SMPD3: variants seen among roughly 807,000 people sequenced by gnomAD.
SMPD3 encodes the protein nSMase-2.
In SMPD3, 21 loss-of-function variants were observed where a neutral mutation model predicts 55.7. The observed-to-expected ratio is 0.38, with a 90% confidence interval of 0.27 to 0.54. The LOEUF (loss-of-function observed/expected upper bound fraction) is 0.54, where lower values mean the gene tolerates loss of function less well. Ranked by LOEUF, SMPD3 falls within the 20% of genes least tolerant of loss-of-function variation. The probability of loss-of-function intolerance (pLI) is 0.80; values close to 1 mark genes in which losing one functional copy is unlikely to be tolerated. For synonymous variants in SMPD3, 457 were observed against 404.3 expected, an observed-to-expected ratio of 1.13 and a Z score of -1.56; for missense variants, 842 against 899.6, an observed-to-expected ratio of 0.94 and a Z score of 0.82.
intron 1 of SMPD3, among the ~76,000 whole-genome samples, chr16:68,389,633 G>C (rs904896365): frequency 6.6e-6 from 1 of 152,192 alleles, no homozygotes; most frequent in Non-Finnish European, 1.5e-5. Flanking sequence ...TGAGGCTGGA[G>C]CCTAGAGGTT....
chr16:68,387,651 T>C (rs2090070880), intron 1 of SMPD3, among the ~76,000 whole-genome samples: 1 of 152,214 alleles, frequency 6.6e-6, no homozygotes, highest in Non-Finnish European at 1.5e-5. Context: ...AGCAGCCCCC[T>C]GCCCAATGCC....
intron 1 of SMPD3, among the ~76,000 whole-genome samples, chr16:68,396,064 GCC>G (rs2090154317): frequency 6.6e-6 from 1 of 152,032 alleles, no homozygotes; most frequent in African/African-American, 2.4e-5. Context: ...CCCTCCCTTA[GCC>G]CCAAGTGTCC....
At chr16:68,362,858 G>C (rs1392556885) in intron 7 of SMPD3, among the ~76,000 whole-genome samples, 2 of 152,218 alleles carry the variant, frequency 1.3e-5, no homozygotes, top group African/African-American at 4.8e-5. Flanking sequence ...TCTCAGCATA[G>C]GATGATGTTT....
chr16:68,396,235 G>A (rs528863616), intron 1 of SMPD3, among the ~76,000 whole-genome samples: 1 of 152,130 alleles, frequency 6.6e-6, no homozygotes, highest in Non-Finnish European at 1.5e-5. Flanking sequence ...ATCCCCACCA[G>A]CAGCAGCTCT....
intron 3 of SMPD3, chr16:68,368,169 G>A (rs1042910049): frequency 6.6e-6 from 1 of 152,590 alleles, no homozygotes; most frequent in Admixed American, 6.5e-5. Context: ...TGGGCACGAG[G>A]GCAGAGGAGC....
chr16:68,440,427 C>A (rs1009097300), intron 1 of SMPD3, among the ~76,000 whole-genome samples: 1 of 152,168 alleles, frequency 6.6e-6, no homozygotes, highest in African/African-American at 2.4e-5. Context: ...TCTTGAACTC[C>A]TGGACTAAAT....
chr16:68,435,880 C>A (rs1025203089), intron 1 of SMPD3, among the ~76,000 whole-genome samples: 4 of 152,190 alleles, frequency 2.6e-5, no homozygotes, highest in African/African-American at 9.7e-5. Context: ...AAGCCAGTGG[C>A]ACCTCAGGAG....
intron 1 of SMPD3, among the ~76,000 whole-genome samples, chr16:68,398,070 G>A (rs2090175273): frequency 2.0e-5 from 3 of 152,146 alleles, no homozygotes; most frequent in Admixed American, 1.3e-4. Context: ...AGTCCAAGAG[G>A]TGGGTGGGCG....
chr16:68,388,217 G>A (rs2090077962), intron 1 of SMPD3, among the ~76,000 whole-genome samples: 1 of 152,160 alleles, frequency 6.6e-6, no homozygotes, highest in Admixed American at 6.5e-5. Context: ...TGTTCATGTG[G>A]ACACCCTGGC....
In SMPD3 at chr16:68,361,058, G is replaced by T; in HGVS notation, c.*148C>A. ...GTGAGGCCCAGAGGCGCAGAGCAGC[G>T]CAGCTTCCAGGTTCCCGGGCACTGA... On this transcript the variant is annotated 3_prime_UTR_variant, in exon 9 of 9. Coordinates refer to ENST00000219334, the MANE Select transcript of SMPD3 (RefSeq NM_018667.4). The T allele has an allele frequency of 2.8e-6, 2 of 707,922 alleles. No homozygotes were observed. The highest frequency in any genetic ancestry group is 3.7e-5 in the South Asian group (2 of 53,860). 43.9% of individuals were successfully genotyped at this position (707,922 alleles called of 1,614,324 possible).
chr16:68,425,971 C>G (rs1166107762), intron 1 of SMPD3, among the ~76,000 whole-genome samples: 1 of 152,172 alleles, frequency 6.6e-6, no homozygotes, highest in Non-Finnish European at 1.5e-5. Context: ...TAAGGGAGCA[C>G]TGAGAGTGGA....
At chr16:68,446,494 C>A (rs1302210615) in intron 1 of SMPD3, among the ~76,000 whole-genome samples, 1 of 151,292 alleles carries the variant, frequency 6.6e-6, no homozygotes, top group East Asian at 1.9e-4. Context: ...TACACACACA[C>A]ACACACACAC....
chr16:68,400,508 C>T (rs1241552816), intron 1 of SMPD3, among the ~76,000 whole-genome samples: 1 of 152,196 alleles, frequency 6.6e-6, no homozygotes. Flanking sequence ...GAAGCTGGCC[C>T]ATGGGTTAGA....
rs554494121 is a variant in SMPD3 at position 68,365,845 on chromosome 16, CA to C, written c.1324-754del. 1.1e-4 allele frequency among the ~76,000 whole-genome samples: 16 copies of C among 152,262 alleles called. No homozygotes were observed. In the South Asian group the frequency reaches 2.9e-3, roughly 28 times the overall value. On this transcript the variant is annotated intron_variant, in intron 3 of 8. Coordinates refer to ENST00000219334, the MANE Select transcript of SMPD3 (RefSeq NM_018667.4). ...CAGGATCCCAAAGGCTGGCTTAATA[CA>C]AATTAGCATCTCCACTGTACCCTGC...
rs2089375158 is a variant in SMPD3 at position 68,363,430 on chromosome 16, G to T, written c.1709+66C>A. ...AGCTGAGCTCTCCCATGTGGGTCCT[G>T]CCCAGTCCCTGTCTCCACCTTAGTC... On this transcript the variant is annotated intron_variant, in intron 7 of 8. Coordinates refer to ENST00000219334, the MANE Select transcript of SMPD3 (RefSeq NM_018667.4). 18 of 1,575,154 alleles carry T rather than the reference G, an allele frequency of 1.1e-5. No homozygotes were observed. In the South Asian group the frequency reaches 2.0e-4, roughly 17 times the overall value.
At chr16:68,400,025 G>A (rs996701700) in intron 1 of SMPD3, among the ~76,000 whole-genome samples, 1 of 152,204 alleles carries the variant, frequency 6.6e-6, no homozygotes, top group Non-Finnish European at 1.5e-5. Flanking sequence ...TTTTACAGAT[G>A]AGGAAACTGA....
At chr16:68,406,930 G>C (rs1236480275) in intron 1 of SMPD3, among the ~76,000 whole-genome samples, 1 of 152,182 alleles carries the variant, frequency 6.6e-6, no homozygotes, top group Admixed American at 6.5e-5. Context: ...CGGGGCATGG[G>C]GGTAGGGCAG....
chr16:68,446,967 C>G (rs2090614987), intron 1 of SMPD3, among the ~76,000 whole-genome samples: 1 of 152,222 alleles, frequency 6.6e-6, no homozygotes, highest in African/African-American at 2.4e-5. Context: ...TCAGCCGCCT[C>G]CTCCCTCGGG....
chr16:68,375,386 C>T (rs749120254), intron 2 of SMPD3, among the ~76,000 whole-genome samples: 8 of 152,174 alleles, frequency 5.3e-5, no homozygotes, highest in East Asian at 1.9e-4. Context: ...CAGAAGGATT[C>T]GGGAGGAGAA....
Sources: allele counts gnomAD v4.1 joint callset (sites outside exome capture counted in the v4.1 genomes callset), GRCh38; gene constraint gnomAD v4.1.1; transcripts MANE v1.5; gene names NCBI Gene and HGNC (gene_info 2026-07-23, HGNC 2026-07-21).